TAF5: variants seen among roughly 807,000 people sequenced by gnomAD.
TAF5 encodes transcription initiation factor TFIID subunit 5.
TAF5 carries 20 observed loss-of-function variants against 80.9 expected under a neutral mutation model. The observed-to-expected ratio is 0.25, with a 90% confidence interval of 0.17 to 0.36. The LOEUF is 0.36. Among genes scored for constraint, TAF5 ranks in the 10% least tolerant of loss-of-function variants. TAF5 has a pLI of 1.00. For synonymous variants in TAF5, 388 were observed against 406.4 expected (o/e 0.95, Z 0.55); for missense variants, 863 against 1,029.4 (o/e 0.84, Z 2.21).
rs926356813 is a variant in TAF5 at position 103,378,643 on chromosome 10, C to T, written c.1113+93C>T. On this transcript the variant is annotated intron_variant, in intron 3 of 10. Transcript: ENST00000369839. The surrounding 1 kb of genome is among the most constrained non-coding windows in gnomAD (Gnocchi z 4.1). ...AGTTACACATTTTTCTTATAGCTAG[C>T]TTGGAAACAATTTTTTTCGTTTGTT... 5 of 1,380,566 alleles carry T rather than the reference C, an allele frequency of 3.6e-6. No individual in the cohort carries two copies. In the African/African-American group the frequency reaches 7.3e-5, roughly 20 times the overall value. 85.5% of individuals were successfully genotyped at this position (1,380,566 alleles called of 1,614,324 possible). A position where few individuals can be genotyped will look rare whatever the true frequency, so the allele number is the denominator to read the frequency against.
intron 8 of TAF5, among the ~76,000 whole-genome samples, chr10:103,385,856 C>T (rs192772474): frequency 8.1e-5 from 10 of 123,566 alleles, no homozygotes; most frequent in East Asian, 5.6e-4. Context: ...ACCTGAGAGG[C>T]GGAGGTTGCA....
chr10:103,383,218 A>G lies in TAF5; in HGVS notation c.1535-20A>G, dbSNP rs200515297. 3.9e-6 allele frequency: 6 copies of G among 1,538,566 alleles called. No homozygotes were observed. Among genetic ancestry groups the G allele is most frequent in the East Asian group, 2.3e-5 (1 of 43,300 alleles). Reference sequence around the variant, plus strand: ...TGATGAATGTACTTATAAAATATCAATATTTCTGGACCATTTTAGATCTTA... The same window carrying G: ...TGATGAATGTACTTATAAAATATCAGTATTTCTGGACCATTTTAGATCTTA... On this transcript the variant is annotated intron_variant, in intron 6 of 10. Coordinates refer to ENST00000369839, the MANE Select transcript of TAF5 (RefSeq NM_006951.5).
At chr10:103,386,809 G>A (rs887609577) in intron 8 of TAF5, among the ~76,000 whole-genome samples, 8 of 151,870 alleles carry the variant, frequency 5.3e-5, no homozygotes, top group East Asian at 3.9e-4. Context: ...GATTACAGGC[G>A]TGCGCCACCA....
intron 7 of TAF5, 143 bp from the exon 8 acceptor site, chr10:103,385,182 AT>A: frequency 1.6e-6 from 1 of 640,868 alleles, no homozygotes; most frequent in Non-Finnish European, 2.5e-6. Flanking sequence ...GCGTGTATGA[AT>A]TAAAAGTGAG....
At position 103,374,710 on chromosome 10, in the gene TAF5, G is replaced by A. The variant is rs1262624941; in HGVS notation, c.797+1115G>A. ...TCGTTATTAGATATATACTTTGAAA[G>A]GACCTTTATGCAGTGGGGAAAACAA... On this transcript the variant is annotated intron_variant, in intron 2 of 10. Coordinates refer to ENST00000369839, the MANE Select transcript of TAF5 (RefSeq NM_006951.5). The surrounding 1 kb of genome is among the most constrained non-coding windows in gnomAD (Gnocchi z 4.3). Among the ~76,000 whole-genome samples the A allele has an allele frequency of 6.6e-6, 1 of 152,150 alleles. No homozygotes were observed. Among genetic ancestry groups the A allele is most frequent in the African/African-American group, 2.4e-5 (1 of 41,444 alleles).
At position 103,368,548 on chromosome 10, in the gene TAF5, G is replaced by A; in HGVS notation, c.559G>A (p.Val187Ile). ...SASGPAAPGK[V>I]GSVAVEDQPD... ...CTCAGGTCCTGCGGCTCCGGGTAAA[G>A]GTGAGCCGTGGGGTCCCGGGTAGGT... is the stretch of plus-strand genomic sequence containing the variant. Residue 187 changes from valine to isoleucine, a missense_variant and splice_region_variant, in exon 1 of 11, where the codon GTT becomes ATT. Physicochemically the swap from Val to Ile is conservative, Grantham distance 29 (BLOSUM62 3). Around this residue, in one of 3 missense-constraint regions of TAF5, gnomAD observed 367 missense variants for 335.5 expected, o/e 1.09. Coordinates refer to ENST00000369839, the MANE Select transcript of TAF5 (RefSeq NM_006951.5). 1 of 1,504,644 alleles carries A rather than the reference G, an allele frequency of 6.6e-7. No homozygotes were observed. Among genetic ancestry groups the A allele is most frequent in the Non-Finnish European group, 8.8e-7 (1 of 1,135,310 alleles). 93.2% of individuals were successfully genotyped at this position (1,504,644 alleles called of 1,614,324 possible). A position where few individuals can be genotyped will look rare whatever the true frequency, so the allele number is the denominator to read the frequency against.
chr10:103,387,363 C>T lies in TAF5; in HGVS notation c.2007+11C>T. ...TTCACTGGACACAAGGTATTTTACACTCTTACTATTCCAGCATCCAAGGTT... is the reference window on the plus strand; with the variant it reads ...TTCACTGGACACAAGGTATTTTACATTCTTACTATTCCAGCATCCAAGGTT... On this transcript the variant is annotated intron_variant, in intron 9 of 10. Coordinates refer to ENST00000369839, the MANE Select transcript of TAF5 (RefSeq NM_006951.5). The T allele has an allele frequency of 6.3e-7, 1 of 1,594,442 alleles. No individual in the cohort carries two copies. Among genetic ancestry groups the T allele is most frequent in the Non-Finnish European group, 8.5e-7 (1 of 1,171,456 alleles).
In TAF5 at chr10:103,368,011, C is replaced by T. The variant is rs1592087728; in HGVS notation, c.22C>T (p.Gln8Ter). MAALAEEQTEVAVKLEPE... is the reference protein window; with the variant it reads MAALAEE ...CAAGATGGCGGCGCTGGCGGAGGAG[C>T]AGACGGAGGTGGCGGTCAAGCTAGA... is the stretch of plus-strand genomic sequence containing the variant. The change falls in exon 1 of 11, where the codon CAG (glutamine) becomes TAG (stop). Residue 8 changes from glutamine (Q) to a stop codon, truncating the protein, a stop_gained. Coordinates refer to ENST00000369839, the MANE Select transcript of TAF5 (RefSeq NM_006951.5). LOFTEE classifies it high-confidence loss of function. 2.1e-6 allele frequency: 3 copies of T among 1,462,818 alleles called. No homozygotes were observed. Among genetic ancestry groups the T allele is most frequent in the African/African-American group, 1.5e-5 (1 of 67,628 alleles). The allele number at this position is 1,462,818 out of a possible 1,614,324, so 90.6% of individuals were successfully genotyped here.
chr10:103,379,976 G>T lies in TAF5; in HGVS notation c.1370G>T (p.Cys457Phe). ...AAACGAGTGCGCCTTGGGCCGGACT[G>T]CTTACCCTCCATTTGTTTCTATACA... ...TTKRVRLGPD[C>F]LPSICFYTFL... Residue 457 changes from cysteine (C) to phenylalanine (F), a missense_variant, in exon 5 of 11, where the codon TGC (cysteine) becomes TTC (phenylalanine). By Grantham distance (205) the Cys-to-Phe change is radical. Coordinates refer to ENST00000369839, the MANE Select transcript of TAF5 (RefSeq NM_006951.5). 6.2e-7 allele frequency: 1 copy of T among 1,614,010 alleles called. No homozygotes were observed. Among genetic ancestry groups the T allele is most frequent in the Non-Finnish European group, 8.5e-7 (1 of 1,179,964 alleles).
chr10:103,376,828 G>A (rs2133628157), intron 2 of TAF5, among the ~76,000 whole-genome samples: 1 of 152,306 alleles, frequency 6.6e-6, no homozygotes, highest in South Asian at 2.1e-4. Flanking sequence ...CAGAATGCCT[G>A]AGCTCAGGAG....
At chr10:103,381,055 TCTCCTGCCTCAGC>T (rs1210955722) in intron 5 of TAF5, among the ~76,000 whole-genome samples, 48 of 150,830 alleles carry the variant, frequency 3.2e-4, no homozygotes, top group Non-Finnish European at 3.1e-4. Flanking sequence ...TTCAAGTGAT[TCTCCTGCCTCAGC>T]CTCCTGAGTA....
In TAF5 at chr10:103,381,803, T is replaced by G; in HGVS notation, c.1496T>G (p.Val499Gly). The change falls in exon 6 of 11, where the codon GTA becomes GGA. Residue 499 changes from valine (V) to glycine (G), a missense_variant. Coordinates refer to ENST00000369839, the MANE Select transcript of TAF5 (RefSeq NM_006951.5). ...FADSTVRVWS[V>G]TPKKLRSVKQ... is the part of the protein sequence containing the mutation. The stretch of plus-strand genomic sequence containing the variant: ...GATTCAACTGTCAGAGTGTGGTCGG[T>G]AACACCCAAAAAGCTTCGTAGTGTC... 6.2e-7 allele frequency: 1 copy of G among 1,614,216 alleles called. No homozygotes were observed. Among genetic ancestry groups the G allele is most frequent in the Non-Finnish European group, 8.5e-7 (1 of 1,180,026 alleles).
intron 8 of TAF5, 24 bp downstream of exon 8, chr10:103,385,514 C>T (rs756380158): frequency 2.6e-5 from 42 of 1,611,238 alleles, no homozygotes; most frequent in Non-Finnish European, 3.6e-5. Context: ...GATCTTATGA[C>T]TGGGTCTATT....
At chr10:103,387,071 C>T in intron 8 of TAF5, 104 bp from the exon 9 acceptor site, 1 of 940,700 alleles carries the variant, frequency 1.1e-6, no homozygotes, top group East Asian at 3.1e-5. Flanking sequence ...CCACTCAGAA[C>T]TAACTTTTTA....
At position 103,378,622 on chromosome 10, in the gene TAF5, A is replaced by G. The variant is rs2093374958; in HGVS notation, c.1113+72A>G. 6.8e-7 allele frequency: 1 copy of G among 1,468,024 alleles called. No individual in the cohort carries two copies. Among genetic ancestry groups the G allele is most frequent in the Non-Finnish European group, 9.1e-7 (1 of 1,098,830 alleles). The allele number at this position is 1,468,024 out of a possible 1,614,324, so 90.9% of individuals were successfully genotyped here. A position where few individuals can be genotyped will look rare whatever the true frequency, so the allele number is the denominator to read the frequency against. ...TGTAGCATTTCCATCTACATAAGTT[A>G]CACATTTTTCTTATAGCTAGCTTGG... On this transcript the variant is annotated intron_variant, in intron 3 of 10. Coordinates refer to ENST00000369839, the MANE Select transcript of TAF5 (RefSeq NM_006951.5). The surrounding 1 kb of genome is among the most constrained non-coding windows in gnomAD (Gnocchi z 4.1).
At chr10:103,370,582 C>G (rs929982662) in intron 1 of TAF5, among the ~76,000 whole-genome samples, 1 of 152,002 alleles carries the variant, frequency 6.6e-6, no homozygotes, top group African/African-American at 2.4e-5. Flanking sequence ...CCGCCTTGGT[C>G]TCCCAAAGTG....
Position 103,380,003 on chromosome 10 carries a change from T to G in TAF5, c.1397T>G (p.Phe466Cys). 6.2e-7 allele frequency: 1 copy of G among 1,612,660 alleles called. No homozygotes were observed. Among genetic ancestry groups the G allele is most frequent in the Non-Finnish European group, 8.5e-7 (1 of 1,179,562 alleles). Residue 466 changes from phenylalanine to cysteine, a missense_variant, in exon 5 of 11, where the codon TTT (phenylalanine) becomes TGT (cysteine). Transcript: ENST00000369839. ...DCLPSICFYT[F>C]LNAYQGLTAV... The stretch of plus-strand genomic sequence containing the variant: ...TTACCCTCCATTTGTTTCTATACAT[T>G]TCTCAATGCTTACCAGGTTGGTAAA...
chr10:103,388,229 C>A lies in TAF5; in HGVS notation c.*6C>A. On this transcript the variant is annotated 3_prime_UTR_variant, in exon 11 of 11. Coordinates refer to ENST00000369839, the MANE Select transcript of TAF5 (RefSeq NM_006951.5). ...GAGCTTATAGTCCACAATAAACCAT[C>A]GGTATTAAAGACCTTTTGGAAGCTA... The A allele has an allele frequency of 1.9e-6, 3 of 1,609,662 alleles. No individual in the cohort carries two copies. Among genetic ancestry groups the A allele is most frequent in the South Asian group, 2.2e-5 (2 of 90,416 alleles).
chr10:103,375,523 T>C (rs776363346), intron 2 of TAF5, among the ~76,000 whole-genome samples: 13 of 152,150 alleles, frequency 8.5e-5, no homozygotes, highest in Non-Finnish European at 1.3e-4. Flanking sequence ...ATTTAAGAAA[T>C]GTCAAGTTGA....
Sources: gnomAD v4.1 joint callset for allele counts (sites outside exome capture counted in the v4.1 genomes callset) on GRCh38, gnomAD v4.1.1 for gene constraint, gnomAD v4.1.1 regional missense constraint, Gnocchi (gnomAD v3.1) non-coding constraint, MANE v1.5 for transcripts, NCBI Gene and HGNC (gene_info 2026-07-23, HGNC 2026-07-21) for gene names.